FSTL5: variants seen among roughly 807,000 people sequenced by gnomAD.
The protein encoded by FSTL5 is follistatin like 5, also known as follistatin-related protein 5.
A neutral mutation model predicts 89.1 loss-of-function variants in FSTL5; 62 were observed. The observed-to-expected ratio is 0.70, with a 90% CI of 0.57 to 0.86. The LOEUF (loss-of-function observed/expected upper bound fraction) is 0.86. FSTL5 is among the 40% of genes least tolerant of loss of function. The pLI is 0.00. For missense variants in FSTL5, 1,057 were observed against 1,001.6 expected (o/e 1.06, Z -0.75); for synonymous variants, 383 against 346.2 (o/e 1.11, Z -1.18).
At chr4:161,757,545 T>G (rs1740619204) in intron 6 of FSTL5, among the ~76,000 whole-genome samples, 1 of 152,132 alleles carries the variant, frequency 6.6e-6, no homozygotes, top group Non-Finnish European at 1.5e-5. Flanking sequence ...GATTAGAAAC[T>G]CAGCCACCTA....
intron 3 of FSTL5, among the ~76,000 whole-genome samples, chr4:161,944,842 T>C (rs1357534792): frequency 1.3e-5 from 2 of 151,664 alleles, no homozygotes; most frequent in South Asian, 2.1e-4. Flanking sequence ...TATTCATATA[T>C]GAAGTTTATA....
chr4:161,620,278 A>T (rs1473657113), intron 7 of FSTL5, among the ~76,000 whole-genome samples: 1 of 151,834 alleles, frequency 6.6e-6, no homozygotes, highest in East Asian at 1.9e-4. Context: ...AGCATGGCAC[A>T]TGTATACATT....
rs28536088 is a variant in FSTL5 at position 161,397,745 on chromosome 4, G to T, written c.1842-11296C>A. On this transcript the variant is annotated intron_variant, in intron 15 of 15. Transcript: ENST00000306100. The stretch of plus-strand genomic sequence containing the variant: ...ATATTAAAAATAAACAATGGTTAAG[G>T]TAATCTAACAAATGAGAGAAAATAT... 6.2e-3 allele frequency among the ~76,000 whole-genome samples: 944 copies of T among 151,562 alleles called. 5 individuals are homozygous for T. The highest frequency in any genetic ancestry group is 0.021 in the African/African-American group (866 of 41,458).
intron 10 of FSTL5, among the ~76,000 whole-genome samples, chr4:161,535,516 A>T (rs1731575584): frequency 6.6e-6 from 1 of 152,188 alleles, no homozygotes; most frequent in South Asian, 2.1e-4. Context: ...AGAGAAATGC[A>T]AATCAAAACT....
At chr4:161,491,248 T>C (rs974018051) in intron 12 of FSTL5, among the ~76,000 whole-genome samples, 12 of 152,050 alleles carry the variant, frequency 7.9e-5, no homozygotes, top group Non-Finnish European at 1.5e-4. Flanking sequence ...TAGAAATATA[T>C]ACAGATTATA....
At chr4:161,538,326 T>A (rs1271594191) in intron 9 of FSTL5, 26 bp from the exon 10 acceptor site, 1 of 1,612,996 alleles carries the variant, frequency 6.2e-7, no homozygotes, top group Non-Finnish European at 8.5e-7. Flanking sequence ...AAATGCAACT[T>A]GTAAACTACA....
At chr4:161,844,288 T>C (rs1056912450) in intron 4 of FSTL5, among the ~76,000 whole-genome samples, 1 of 152,172 alleles carries the variant, frequency 6.6e-6, no homozygotes, top group African/African-American at 2.4e-5. Context: ...AAACAACAGA[T>C]GCTGGAGAAG....
intron 15 of FSTL5, among the ~76,000 whole-genome samples, chr4:161,411,156 A>G (rs1731576470): frequency 6.6e-6 from 1 of 152,192 alleles, no homozygotes; most frequent in African/African-American, 2.4e-5. Flanking sequence ...GAAAGCGTGA[A>G]TAGACCAATA....
At chr4:162,099,588 T>A (rs1020859928) in intron 2 of FSTL5, among the ~76,000 whole-genome samples, 1 of 152,090 alleles carries the variant, frequency 6.6e-6, no homozygotes, top group Non-Finnish European at 1.5e-5. Flanking sequence ...TCATTAAAAT[T>A]AAAAATTTCT....
chr4:162,108,398 T>G (rs1375775565), intron 2 of FSTL5, among the ~76,000 whole-genome samples: 1 of 152,108 alleles, frequency 6.6e-6, no homozygotes, highest in African/African-American at 2.4e-5. Context: ...CACACAAATA[T>G]TTGGTAAAAA....
intron 8 of FSTL5, among the ~76,000 whole-genome samples, chr4:161,547,044 T>A (rs1732031065): frequency 1.3e-5 from 2 of 152,072 alleles, no homozygotes; most frequent in African/African-American, 4.8e-5. Flanking sequence ...TCTTGCAGAA[T>A]TCAGCTGCCG....
At chr4:161,726,538 T>A (rs1055184099) in intron 6 of FSTL5, among the ~76,000 whole-genome samples, 1 of 152,002 alleles carries the variant, frequency 6.6e-6, no homozygotes, top group Non-Finnish European at 1.5e-5. Context: ...AGGATGCAAC[T>A]CTCAATACCG....
intron 4 of FSTL5, among the ~76,000 whole-genome samples, chr4:161,847,335 AT>A (rs1044937350): frequency 6.6e-6 from 1 of 152,208 alleles, no homozygotes; most frequent in African/African-American, 2.4e-5. Context: ...TTATCTAAGC[AT>A]TTTTAATGAA....
At chr4:161,572,470 T>G (rs1733053591) in intron 8 of FSTL5, among the ~76,000 whole-genome samples, 1 of 152,052 alleles carries the variant, frequency 6.6e-6, no homozygotes, top group African/African-American at 2.4e-5. Context: ...CTTCACATGT[T>G]CTGGTGTCTT....
At chr4:161,939,426 T>A (rs927732226) in intron 3 of FSTL5, among the ~76,000 whole-genome samples, 1 of 151,994 alleles carries the variant, frequency 6.6e-6, no homozygotes, top group Non-Finnish European at 1.5e-5. Context: ...TTAGAATATT[T>A]TTATTTAAGT....
At chr4:162,058,347 G>A (rs1738618013) in intron 2 of FSTL5, among the ~76,000 whole-genome samples, 1 of 151,278 alleles carries the variant, frequency 6.6e-6, no homozygotes, top group South Asian at 2.1e-4. Flanking sequence ...ACAAGAAATA[G>A]ATTAGCCTGT....
chr4:161,585,853 A>G (rs1733596436), intron 8 of FSTL5, among the ~76,000 whole-genome samples: 1 of 152,156 alleles, frequency 6.6e-6, no homozygotes, highest in South Asian at 2.1e-4. Flanking sequence ...TACTTTATAT[A>G]TGAAAGTCCA....
At chr4:161,958,225 C>G (rs969789925) in intron 3 of FSTL5, among the ~76,000 whole-genome samples, 3 of 151,972 alleles carry the variant, frequency 2.0e-5, no homozygotes, top group African/African-American at 7.2e-5. Flanking sequence ...ATATTAAATT[C>G]TTTCTGTAGT....
Position 161,529,475 on chromosome 4 carries a change from C to T in FSTL5, c.1312+8691G>A, listed in dbSNP as rs578033718. Among the ~76,000 whole-genome samples, 19 of 141,922 alleles carry T rather than the reference C, an allele frequency of 1.3e-4. 4 individuals are homozygous for T. Among genetic ancestry groups the T allele is most frequent in the Non-Finnish European group, 2.5e-4 (16 of 64,818 alleles). 93.1% of individuals were successfully genotyped at this position (141,922 alleles called of 152,430 possible). On this transcript the variant is annotated intron_variant, in intron 10 of 15. Transcript: ENST00000306100. ...AATGCTTATCAAGCATGGTTAACTT[C>T]GACATGACTCTTCATCTTAAGACAT...
Sources: gnomAD v4.1 joint callset for allele counts (sites outside exome capture counted in the v4.1 genomes callset) on GRCh38, gnomAD v4.1.1 for gene constraint, MANE v1.5 for transcripts, NCBI Gene and HGNC (gene_info 2026-07-23, HGNC 2026-07-21) for gene names.